Variants in SH3PXD2A observed in about 807,000 individuals in gnomAD.
The protein encoded by SH3PXD2A is SH3 and PX domains 2A, also known as SH3 and PX domain-containing protein 2A.
In SH3PXD2A, 32 loss-of-function variants were observed where a neutral mutation model predicts 115.2. The observed-to-expected ratio is 0.28, with a 90% CI of 0.21 to 0.37. SH3PXD2A has a LOEUF of 0.37. Among genes scored for constraint, SH3PXD2A ranks in the 10% least tolerant of loss-of-function variants. The pLI is 1.00. For missense variants in SH3PXD2A, 1,328 were observed against 1,498.7 expected, an observed-to-expected ratio of 0.89 and a Z score of 1.88; for synonymous variants, 610 against 629.1, an observed-to-expected ratio of 0.97 and a Z score of 0.45.
intron 8 of SH3PXD2A, among the ~76,000 whole-genome samples, chr10:103,634,735 T>G (rs533055694): frequency 9.8e-4 from 149 of 152,174 alleles, no homozygotes; most frequent in African/African-American, 3.2e-3. Context: ...CAGCTGAGGG[T>G]CCTCTGGGAA....
intron 8 of SH3PXD2A, among the ~76,000 whole-genome samples, chr10:103,646,730 C>CAT (rs1229013996): frequency 5.3e-5 from 8 of 152,248 alleles, no homozygotes; most frequent in African/African-American, 1.9e-4. Flanking sequence ...GCCTGGCATA[C>CAT]AGCAGGAGAT....
chr10:103,702,960 C>CA (rs1238024332), intron 5 of SH3PXD2A, among the ~76,000 whole-genome samples: 1 of 152,198 alleles, frequency 6.6e-6, no homozygotes, highest in Admixed American at 6.5e-5. Context: ...GTGTGTGACA[C>CA]ACGGGCAGAT....
In SH3PXD2A at chr10:103,594,370, C is replaced by A. The variant is rs1177333160; in HGVS notation, c.*7446G>T. On this transcript the variant is annotated 3_prime_UTR_variant, in exon 15 of 15. Coordinates refer to ENST00000369774, the MANE Select transcript of SH3PXD2A (RefSeq NM_001394015.1). The stretch of plus-strand genomic sequence containing the variant: ...GACTGCACTGAGTTTAATGTCCTTT[C>A]TCCAGTTTCTCTGCTGAGGAGGAAA... 1 of 152,642 alleles carries A rather than the reference C, an allele frequency of 6.6e-6. No homozygotes were observed. Among genetic ancestry groups the A allele is most frequent in the African/African-American group, 2.4e-5 (1 of 41,450 alleles). The allele number at this position is 152,642 out of a possible 1,614,324, so 9.5% of individuals were successfully genotyped here.
At chr10:103,763,998 G>A (rs1045893879) in intron 3 of SH3PXD2A, among the ~76,000 whole-genome samples, 1 of 152,188 alleles carries the variant, frequency 6.6e-6, no homozygotes, top group Non-Finnish European at 1.5e-5. Context: ...GGAAGTTCAC[G>A]TGAGAGCATA....
rs1013671238 is a variant in SH3PXD2A, at chr10:103,594,431, C to T, written c.*7385G>A. On this transcript the variant is annotated 3_prime_UTR_variant, in exon 15 of 15. Coordinates refer to ENST00000369774, the MANE Select transcript of SH3PXD2A (RefSeq NM_001394015.1). The stretch of plus-strand genomic sequence containing the variant: ...CTGGAGGAAGGGCTCCTCCTGACCC[C>T]ACAGAGCCCACTAAGAGCTGGGAGG... 2 of 152,434 alleles carry T rather than the reference C, an allele frequency of 1.3e-5. No individual in the cohort carries two copies. The highest frequency in any genetic ancestry group is 2.9e-5 in the Non-Finnish European group (2 of 68,040). The allele number at this position is 152,434 out of a possible 1,614,324, so 9.4% of individuals were successfully genotyped here. A position where few individuals can be genotyped will look rare whatever the true frequency, so the allele number is the denominator to read the frequency against.
At chr10:103,722,744 G>A (rs952175208) in intron 5 of SH3PXD2A, among the ~76,000 whole-genome samples, 3 of 152,090 alleles carry the variant, frequency 2.0e-5, no homozygotes, top group African/African-American at 7.2e-5. Flanking sequence ...ACATTACACA[G>A]CTAGTAGCAG....
At chr10:103,724,791 A>C (rs1305395813) in intron 4 of SH3PXD2A, among the ~76,000 whole-genome samples, 6 of 139,270 alleles carry the variant, frequency 4.3e-5, no homozygotes, top group Non-Finnish European at 7.6e-5. Context: ...TGACTTAAAC[A>C]AAAAAAAAAA....
chr10:103,718,760 G>GACACAC (rs55844048), intron 5 of SH3PXD2A, among the ~76,000 whole-genome samples: 17,247 of 128,206 alleles, frequency 0.13, 1,385 homozygotes, highest in Middle Eastern at 0.18. Context: ...CCCCAATCAG[G>GACACAC]ACACACACAC....
intron 6 of SH3PXD2A, among the ~76,000 whole-genome samples, chr10:103,669,183 C>T (rs1027053368): frequency 2.6e-5 from 4 of 152,206 alleles, no homozygotes; most frequent in Admixed American, 2.6e-4. Context: ...TACTGCAGCC[C>T]CACCCACTGA....
intron 8 of SH3PXD2A, among the ~76,000 whole-genome samples, chr10:103,644,040 C>T (rs537201226): frequency 3.4e-5 from 5 of 147,860 alleles, no homozygotes; most frequent in Non-Finnish European, 5.9e-5. Context: ...GTGTGAACCA[C>T]GGACATGGAG....
chr10:103,622,415 T>G, intron 10 of SH3PXD2A, 55 bp downstream of exon 10: 1 of 1,137,972 alleles, frequency 8.8e-7, no homozygotes, highest in South Asian at 1.3e-5. Flanking sequence ...AAGAGCAGTG[T>G]TAGCGAGAGA....
chr10:103,821,313 G>T (rs2039377633), intron 1 of SH3PXD2A, among the ~76,000 whole-genome samples: 1 of 151,816 alleles, frequency 6.6e-6, no homozygotes, highest in Non-Finnish European at 1.5e-5. Flanking sequence ...ATTTTTAGTA[G>T]AGACAGGGTT....
At chr10:103,852,104 G>A (rs892248790) in intron 1 of SH3PXD2A, among the ~76,000 whole-genome samples, 8 of 152,316 alleles carry the variant, frequency 5.3e-5, no homozygotes, top group African/African-American at 1.7e-4. Flanking sequence ...GTCTCCCCAG[G>A]CACAGCTCAG....
At chr10:103,747,269 T>G (rs561950610) in intron 3 of SH3PXD2A, among the ~76,000 whole-genome samples, 1 of 152,218 alleles carries the variant, frequency 6.6e-6, no homozygotes, top group Admixed American at 6.5e-5. Context: ...GCAGACACAG[T>G]GGGGCCAGAG....
chr10:103,723,438 C>A (rs1012507215), intron 5 of SH3PXD2A, among the ~76,000 whole-genome samples: 1 of 152,196 alleles, frequency 6.6e-6, no homozygotes, highest in African/African-American at 2.4e-5. Flanking sequence ...GCAGAATGCT[C>A]TGAGCAAGAG....
At chr10:103,843,138 T>C (rs2039616467) in intron 1 of SH3PXD2A, among the ~76,000 whole-genome samples, 1 of 152,210 alleles carries the variant, frequency 6.6e-6, no homozygotes. Flanking sequence ...AGTATTATTA[T>C]ACCCATTTTA....
chr10:103,661,349 C>A (rs904771571), intron 7 of SH3PXD2A, among the ~76,000 whole-genome samples: 1 of 152,158 alleles, frequency 6.6e-6, no homozygotes, highest in East Asian at 1.9e-4. Flanking sequence ...GCCAGGGGGC[C>A]GGGGAGGGGA....
intron 3 of SH3PXD2A, among the ~76,000 whole-genome samples, chr10:103,739,050 C>G (rs2038413583): frequency 6.6e-6 from 1 of 152,168 alleles, no homozygotes. Context: ...ACCTTGGCCT[C>G]CCAAAGTGCT....
chr10:103,677,755 A>G (rs773961387), intron 6 of SH3PXD2A, among the ~76,000 whole-genome samples: 8 of 152,194 alleles, frequency 5.3e-5, no homozygotes, highest in Non-Finnish European at 1.2e-4. Flanking sequence ...TATCCCTGTC[A>G]GCACCCCACA....
Sources: allele counts gnomAD v4.1 joint callset (sites outside exome capture counted in the v4.1 genomes callset), GRCh38; gene constraint gnomAD v4.1.1; transcripts MANE v1.5; gene names NCBI Gene and HGNC (gene_info 2026-07-23, HGNC 2026-07-21).